The following TRIM5 variants were observed in gnomAD, a reference collection of about 807,000 sequenced individuals.
The protein encoded by TRIM5 is tripartite motif-containing protein 5.
TRIM5 carries 31 observed loss-of-function variants against 35.6 expected under a neutral mutation model. The ratio of observed to expected loss-of-function variants is 0.87; its 90% CI spans 0.65 to 1.18. The LOEUF is 1.18. TRIM5 is among the 50% of genes most tolerant of loss of function. TRIM5 has a pLI of 0.00. For missense variants in TRIM5, 609 were observed against 591.6 expected (o/e 1.03, Z -0.31); for synonymous variants, 243 against 215.6 (o/e 1.13, Z -1.11).
At chr11:5,603,728 A>T in the TRIM5 span, 2 of 1,613,422 alleles carry the variant, frequency 1.2e-6, no homozygotes, top group Non-Finnish European at 1.7e-6. Context: ...GTTGCCCAGG[A>T]GTACCAGGTG....
intron 4 of TRIM5, among the ~76,000 whole-genome samples, chr11:5,676,412 C>T (rs1242501944): frequency 6.6e-6 from 1 of 151,974 alleles, no homozygotes; most frequent in African/African-American, 2.4e-5. Context: ...ACGTGAAGGA[C>T]TTCTTCAAGG....
chr11:5,629,994 C>G, the TRIM5 span, among the ~76,000 whole-genome samples: 1 of 152,188 alleles, frequency 6.6e-6, no homozygotes, highest in Non-Finnish European at 1.5e-5. Context: ...GGGTGAGCCA[C>G]CGCGCCCGGC....
chr11:5,662,437 CT>C, downstream of TRIM5, among the ~76,000 whole-genome samples: 1 of 130,940 alleles, frequency 7.6e-6, no homozygotes. Flanking sequence ...ATTACCATGC[CT>C]TTGTTACTTT....
chr11:5,640,569 A>G, the TRIM5 span, among the ~76,000 whole-genome samples: 1 of 151,988 alleles, frequency 6.6e-6, no homozygotes, highest in Non-Finnish European at 1.5e-5. Context: ...TTGTATTTAT[A>G]TTTATAAGAG....
chr11:5,678,457 A>AG (rs749830921), intron 3 of TRIM5, 23 bp from the exon 4 acceptor site: 1 of 1,482,768 alleles, frequency 6.7e-7, no homozygotes, highest in East Asian at 2.4e-5. Context: ...GAGAAGAGAA[A>AG]GGGGCACTCA....
intron 6 of TRIM5, 103 bp from the exon 7 acceptor site, chr11:5,665,785 G>A (rs567886320): frequency 9.0e-5 from 130 of 1,452,000 alleles, no homozygotes; most frequent in Non-Finnish European, 1.1e-4. Flanking sequence ...CCCTATGGTA[G>A]GGCAGTAAAT....
chr11:5,644,241 T>C, the TRIM5 span: 1 of 398,902 alleles, frequency 2.5e-6, no homozygotes, highest in Non-Finnish European at 4.4e-6. Context: ...CTAATCATGA[T>C]GAATACTTTC....
At chr11:5,681,644 C>T (rs557498341) in intron 1 of TRIM5, among the ~76,000 whole-genome samples, 1 of 151,986 alleles carries the variant, frequency 6.6e-6, no homozygotes, top group South Asian at 2.1e-4. Context: ...TCCTTCAGAC[C>T]CCCATAAAAC....
intron 4 of TRIM5, among the ~76,000 whole-genome samples, chr11:5,670,461 G>A (rs775003122): frequency 4.6e-5 from 7 of 151,732 alleles, no homozygotes; most frequent in Non-Finnish European, 1.0e-4. Context: ...GAGCCACTGC[G>A]CCCAGCCCAG....
At chr11:5,683,212 C>T (rs923558216) in intron 1 of TRIM5, among the ~76,000 whole-genome samples, 6 of 152,210 alleles carry the variant, frequency 3.9e-5, no homozygotes, top group South Asian at 2.1e-4. Flanking sequence ...CTGTGCTGCG[C>T]GAGCGTCCCT....
chr11:5,670,904 G>A (rs1851538965), intron 4 of TRIM5, among the ~76,000 whole-genome samples: 1 of 152,146 alleles, frequency 6.6e-6, no homozygotes, highest in Admixed American at 6.5e-5. Flanking sequence ...TTCTTGCTGG[G>A]TAGAGACTAG....
rs1852143333 is a variant in TRIM5 at position 5,678,228 on chromosome 11, C to T, written c.720G>A (p.Gln240=). 3 of 1,613,278 alleles carry T rather than the reference C, an allele frequency of 1.9e-6. No homozygotes were observed. Among genetic ancestry groups the T allele is most frequent in the Non-Finnish European group, 2.5e-6 (3 of 1,179,414 alleles). Residue 240 remains glutamine, a synonymous_variant, in exon 4 of 8, where the codon CAG becomes CAA. Transcript: ENST00000380034. ...ELISDLEHRL[Q]GSVMELLQGV... ...CCTGAAGCAGCTCCATCACTGACCC[C>T]TGCAGCCGATGCTCCAGATCTGAGA...
In TRIM5 at chr11:5,680,191, C is replaced by A; in HGVS notation, c.-14G>T. The A allele has an allele frequency of 6.3e-7, 1 of 1,576,420 alleles. No individual in the cohort carries two copies. ...TCCAGAAGCCATAGTAGCTATTCCA[C>A]TGCTCCTGCCTGTCCTGGCTGCTGA... On this transcript the variant is annotated 5_prime_UTR_variant, in exon 2 of 8. Transcript: ENST00000380034.
chr11:5,596,837 G>C, the TRIM5 span: 1 of 1,613,334 alleles, frequency 6.2e-7, no homozygotes, highest in African/African-American at 1.3e-5. Context: ...GGATTGCTCT[G>C]AAGAGCTTTG....
the TRIM5 span, among the ~76,000 whole-genome samples, chr11:5,618,010 T>C: frequency 6.6e-6 from 1 of 152,122 alleles, no homozygotes; most frequent in Non-Finnish European, 1.5e-5. Flanking sequence ...AGTGTGTGAG[T>C]CAAATCCTAC....
At chr11:5,619,812 C>T in the TRIM5 span, 2 of 144,634 alleles carry the variant, frequency 1.4e-5, no homozygotes, top group African/African-American at 5.1e-5. Context: ...AAGCGATCCT[C>T]CTGTCTCAGC....
At chr11:5,610,588 G>C in the TRIM5 span, 1 of 1,607,854 alleles carries the variant, frequency 6.2e-7, no homozygotes, top group Non-Finnish European at 8.5e-7. Flanking sequence ...GCCTCTTTGG[G>C]CTGGCACATT....
At chr11:5,675,858 C>CG (rs57973340) in intron 4 of TRIM5, among the ~76,000 whole-genome samples, 12,426 of 74,974 alleles carry the variant, frequency 0.17, 1,835 homozygotes, top group East Asian at 0.51. Flanking sequence ...CCCCTCCCCC[C>CG]ACCCCACCAT....
At chr11:5,637,153 A>C in the TRIM5 span, among the ~76,000 whole-genome samples, 1 of 140,706 alleles carries the variant, frequency 7.1e-6, no homozygotes, top group Non-Finnish European at 1.5e-5. Flanking sequence ...AGCCTGGGCG[A>C]CAGAGCGAGA....
Sources: allele counts gnomAD v4.1 joint callset (sites outside exome capture counted in the v4.1 genomes callset), GRCh38; gene constraint gnomAD v4.1.1; transcripts MANE v1.5; gene names NCBI Gene and HGNC (gene_info 2026-07-23, HGNC 2026-07-21).